The following ICOS variants were observed in gnomAD, a reference collection of about 807,000 sequenced individuals.
ICOS encodes inducible T cell costimulator.
A neutral mutation model predicts 24.6 loss-of-function variants in ICOS; 15 were observed. The observed-to-expected ratio is 0.61, with a 90% CI of 0.41 to 0.94. The LOEUF (loss-of-function observed/expected upper bound fraction) is 0.94, where lower values mean the gene tolerates loss of function less well. ICOS is among the 40% of genes least tolerant of loss of function. The probability of loss-of-function intolerance (pLI) is 0.00; values close to 1 mark genes in which losing one functional copy is unlikely to be tolerated. For missense variants in ICOS, 200 were observed against 233.0 expected, an observed-to-expected ratio of 0.86 and a Z score of 0.92; for synonymous variants, 89 against 77.5, an observed-to-expected ratio of 1.15 and a Z score of -0.78.
chr2:203,943,642 G>A (rs1689817361), intron 1 of ICOS, among the ~76,000 whole-genome samples: 1 of 152,166 alleles, frequency 6.6e-6, no homozygotes. Flanking sequence ...CTCCTGCCAG[G>A]AGGTGGCGCT....
chr2:203,953,068 C>A (rs1581605087), intron 1 of ICOS, among the ~76,000 whole-genome samples: 1 of 152,080 alleles, frequency 6.6e-6, no homozygotes, highest in African/African-American at 2.4e-5. Flanking sequence ...GGTTTTCTAA[C>A]CATTGAAGTC....
At position 203,955,898 on chromosome 2, in the gene ICOS, C is replaced by T; in HGVS notation, c.321C>T (p.Tyr107=). The change falls in exon 2 of 5, where the codon TAC becomes TAT. Residue 107 remains tyrosine (Y), a synonymous_variant. Coordinates refer to ENST00000316386, the MANE Select transcript of ICOS (RefSeq NM_012092.4). ...TGGACCATTCTCATGCCAACTATTA[C>T]TTCTGCAACCTATCAATTTTTGATC... ...YNLDHSHANY[Y]FCNLSIFDPP... is the part of the protein sequence containing the mutation. 6.2e-7 allele frequency: 1 copy of T among 1,613,414 alleles called. No homozygotes were observed. Among genetic ancestry groups the T allele is most frequent in the Non-Finnish European group, 8.5e-7 (1 of 1,179,522 alleles).
At chr2:203,939,419 A>T (rs1188322448) in intron 1 of ICOS, among the ~76,000 whole-genome samples, 1 of 152,142 alleles carries the variant, frequency 6.6e-6, no homozygotes, top group African/African-American at 2.4e-5. Flanking sequence ...TTAATTATAA[A>T]AATATCTACG....
At chr2:203,938,115 G>T (rs1479218313) in intron 1 of ICOS, among the ~76,000 whole-genome samples, 3 of 152,188 alleles carry the variant, frequency 2.0e-5, no homozygotes, top group Admixed American at 6.5e-5. Context: ...GGTAGAGAGA[G>T]ATATATTAAT....
chr2:203,960,850 G>GA lies in ICOS; in HGVS notation c.*1251_*1252insA, dbSNP rs1399773978. 2 of 152,094 alleles carry GA rather than the reference G, an allele frequency of 1.3e-5. No individual in the cohort carries two copies. The highest frequency in any genetic ancestry group is 4.8e-5 in the African/African-American group (2 of 41,402). 9.4% of individuals were successfully genotyped at this position (152,094 alleles called of 1,614,324 possible). A position where few individuals can be genotyped will look rare whatever the true frequency, so the allele number is the denominator to read the frequency against. ...CTGAAGTCACCCTGGGAATCACAGT[G>GA]GTCTACCTGCATTCATAATTCCAGG... On this transcript the variant is annotated 3_prime_UTR_variant, in exon 5 of 5. Coordinates refer to ENST00000316386, the MANE Select transcript of ICOS (RefSeq NM_012092.4).
At chr2:203,954,818 CAT>C (rs1457550995) in intron 1 of ICOS, among the ~76,000 whole-genome samples, 2 of 149,876 alleles carry the variant, frequency 1.3e-5, no homozygotes, top group East Asian at 1.9e-4. Flanking sequence ...TATACACACA[CAT>C]AGTCTCTATA....
chr2:203,954,276 A>G (rs1690036816), intron 1 of ICOS, among the ~76,000 whole-genome samples: 1 of 152,202 alleles, frequency 6.6e-6, no homozygotes, highest in Non-Finnish European at 1.5e-5. Flanking sequence ...CTATAAGCAT[A>G]AATTTATTTC....
intron 1 of ICOS, among the ~76,000 whole-genome samples, chr2:203,941,093 G>C (rs1025165805): frequency 6.6e-6 from 1 of 152,122 alleles, no homozygotes; most frequent in African/African-American, 2.4e-5. Context: ...ACCGCGCCCC[G>C]CTGTTCTATT....
chr2:203,959,782 G>A lies in ICOS; in HGVS notation c.*183G>A. Reference sequence around the variant, plus strand: ...AATGGGGATTTTAACAGACTGCCTTGGTACTGCCGAGTCCTCTCAAAACAA... The same window carrying A: ...AATGGGGATTTTAACAGACTGCCTTAGTACTGCCGAGTCCTCTCAAAACAA... On this transcript the variant is annotated 3_prime_UTR_variant, in exon 5 of 5. Coordinates refer to ENST00000316386, the MANE Select transcript of ICOS (RefSeq NM_012092.4). The A allele has an allele frequency of 1.5e-6, 1 of 684,242 alleles. No homozygotes were observed. The highest frequency in any genetic ancestry group is 2.1e-5 in the Admixed American group (1 of 47,216). 42.4% of individuals were successfully genotyped at this position (684,242 alleles called of 1,614,324 possible). A position where few individuals can be genotyped will look rare whatever the true frequency, so the allele number is the denominator to read the frequency against.
intron 3 of ICOS, 79 bp from the exon 4 acceptor site, chr2:203,957,720 C>A: frequency 9.1e-7 from 1 of 1,097,060 alleles, no homozygotes; most frequent in Admixed American, 1.7e-5. Flanking sequence ...ACCACTTCAA[C>A]AAAGAATAGA....
intron 3 of ICOS, among the ~76,000 whole-genome samples, chr2:203,957,043 C>A (rs1321680031): frequency 6.6e-6 from 1 of 151,982 alleles, no homozygotes; most frequent in Non-Finnish European, 1.5e-5. Flanking sequence ...AAATTGAGGT[C>A]AAGAGAAGAC....
chr2:203,956,666 A>G lies in ICOS; in HGVS notation c.402A>G (p.Gln134=), dbSNP rs776847112. ...CCTTTTTTTCCAATCCAGAATCACA[A>G]CTTTGTTGCCAGCTGAAGTTCTGGT... ...TGGYLHIYES[Q]LCCQLKFWLP... The change falls in exon 3 of 5, where the codon CAA becomes CAG. Residue 134 remains glutamine (Q), a synonymous_variant. Transcript: ENST00000316386. 1.3e-5 allele frequency: 21 copies of G among 1,612,514 alleles called. No homozygotes were observed. In the East Asian group the frequency reaches 4.2e-4, roughly 33 times the overall value.
chr2:203,944,669 A>G (rs865937861), intron 1 of ICOS, among the ~76,000 whole-genome samples: 3 of 152,298 alleles, frequency 2.0e-5, no homozygotes, highest in Middle Eastern at 3.4e-3. Flanking sequence ...GGGATTTTTT[A>G]GGCAACTGTA....
At position 203,955,853 on chromosome 2, in the gene ICOS, C is replaced by T; in HGVS notation, c.276C>T (p.Val92=). The part of the protein sequence containing the change: ...FCHSQLSNNS[V]SFFLYNLDHS... ...ATTCTCAGTTATCCAACAACAGTGT[C>T]TCTTTTTTTCTATACAACTTGGACC... The change falls in exon 2 of 5, where the codon GTC becomes GTT. Residue 92 remains valine, a synonymous_variant. Coordinates refer to ENST00000316386, the MANE Select transcript of ICOS (RefSeq NM_012092.4). The T allele has an allele frequency of 6.2e-7, 1 of 1,613,768 alleles. No individual in the cohort carries two copies. The highest frequency in any genetic ancestry group is 8.5e-7 in the Non-Finnish European group (1 of 1,179,728).
intron 2 of ICOS, among the ~76,000 whole-genome samples, chr2:203,956,365 T>C (rs1197126142): frequency 6.6e-6 from 1 of 152,168 alleles, no homozygotes; most frequent in African/African-American, 2.4e-5. Context: ...TGATTGAAAA[T>C]CATAGTTTTA....
chr2:203,953,271 G>A (rs926352849), intron 1 of ICOS, among the ~76,000 whole-genome samples: 2 of 152,270 alleles, frequency 1.3e-5, no homozygotes, highest in South Asian at 2.1e-4. Context: ...AATGCTTTCC[G>A]AGTAAAAGCA....
At chr2:203,948,099 A>G (rs1174520310) in intron 1 of ICOS, among the ~76,000 whole-genome samples, 1 of 152,176 alleles carries the variant, frequency 6.6e-6, no homozygotes, top group Non-Finnish European at 1.5e-5. Context: ...AGAATTATCA[A>G]CTGTCTAAAT....
intron 1 of ICOS, among the ~76,000 whole-genome samples, chr2:203,948,181 C>T (rs561812022): frequency 6.6e-6 from 1 of 152,242 alleles, no homozygotes; most frequent in African/African-American, 2.4e-5. Flanking sequence ...AGATAATTTC[C>T]ATTAGAACAT....
chr2:203,944,656 C>T (rs1246449128), intron 1 of ICOS, among the ~76,000 whole-genome samples: 1 of 152,088 alleles, frequency 6.6e-6, no homozygotes, highest in Non-Finnish European at 1.5e-5. Flanking sequence ...TGTTCAAGGT[C>T]CTGGGATTTT....
Sources: allele counts gnomAD v4.1 joint callset (sites outside exome capture counted in the v4.1 genomes callset), GRCh38; gene constraint gnomAD v4.1.1; transcripts MANE v1.5; gene names NCBI Gene and HGNC (gene_info 2026-07-23, HGNC 2026-07-21).